The following NAV3 variants were observed in gnomAD, a reference collection of about 807,000 sequenced individuals.
The protein encoded by NAV3 is pore membrane and/or filament interacting like protein 1.
A neutral mutation model predicts 244.7 loss-of-function variants in NAV3; 87 were observed. The observed-to-expected ratio is 0.36, with a 90% CI of 0.30 to 0.42. NAV3 has a LOEUF of 0.42. NAV3 is among the 20% of genes least tolerant of loss of function. The pLI, the probability that NAV3 is intolerant of heterozygous loss-of-function variation, is 1.00. For missense variants in NAV3, 2,663 were observed against 2,893.3 expected, an observed-to-expected ratio of 0.92 and a Z score of 1.83; for synonymous variants, 1,126 against 1,042.2, an observed-to-expected ratio of 1.08 and a Z score of -1.55.
At chr12:77,977,959 CG>C (rs1565981159) in intron 5 of NAV3, among the ~76,000 whole-genome samples, 2 of 151,460 alleles carry the variant, frequency 1.3e-5, no homozygotes, top group African/African-American at 4.9e-5. Flanking sequence ...GCCTTTTTTA[CG>C]GGATTATCCA....
At chr12:77,823,565 G>A (rs1243577118) in intron 2 of NAV3, among the ~76,000 whole-genome samples, 1 of 152,184 alleles carries the variant, frequency 6.6e-6, no homozygotes, top group Non-Finnish European at 1.5e-5. Flanking sequence ...TACAAATGGT[G>A]CAAAATTAGC....
intron 3 of NAV3, among the ~76,000 whole-genome samples, chr12:77,945,362 G>T (rs1467411869): frequency 6.6e-6 from 1 of 152,114 alleles, no homozygotes; most frequent in Non-Finnish European, 1.5e-5. Flanking sequence ...GTCATAAAAG[G>T]TTATGATGGG....
chr12:78,184,925 C>G (rs980525673), intron 30 of NAV3, among the ~76,000 whole-genome samples: 1 of 151,508 alleles, frequency 6.6e-6, no homozygotes, highest in Non-Finnish European at 1.5e-5. Context: ...GAAAGTTAAT[C>G]TTTAATCACC....
intron 36 of NAV3, 105 bp downstream of exon 36, chr12:78,198,781 T>G: frequency 1.3e-6 from 1 of 799,280 alleles, no homozygotes. Context: ...TTGTGGTTTG[T>G]TTTTCCATTT....
chr12:77,940,194 A>G (rs1188848576), intron 1 of NAV3, 125 bp from the exon 2 acceptor site: 1 of 697,660 alleles, frequency 1.4e-6, no homozygotes, highest in African/African-American at 1.8e-5. Flanking sequence ...CTTTAGAGCT[A>G]TGACTTCTTA....
At chr12:78,136,973 C>T (rs1396671544) in intron 18 of NAV3, among the ~76,000 whole-genome samples, 1 of 152,066 alleles carries the variant, frequency 6.6e-6, no homozygotes, top group Non-Finnish European at 1.5e-5. Flanking sequence ...TGATGTAAGG[C>T]TTCCCATAAA....
chr12:78,195,724 C>T (rs1959167621), intron 34 of NAV3, among the ~76,000 whole-genome samples: 1 of 152,018 alleles, frequency 6.6e-6, no homozygotes, highest in Non-Finnish European at 1.5e-5. Flanking sequence ...ACTCAGGCTC[C>T]AGTGTTACCT....
chr12:78,145,088 C>A (rs959882094), intron 20 of NAV3: 4 of 307,710 alleles, frequency 1.3e-5, no homozygotes, highest in Non-Finnish European at 2.6e-5. Flanking sequence ...ACTTTTTATT[C>A]AAAAACCAAA....
At chr12:77,902,399 A>G (rs948204281) in intron 1 of NAV3, among the ~76,000 whole-genome samples, 12 of 152,308 alleles carry the variant, frequency 7.9e-5, no homozygotes, top group Non-Finnish European at 1.8e-4. Flanking sequence ...CATCCCATCA[A>G]TACCTAATTT....
chr12:77,655,349 G>A (rs1873043161), intron 2 of NAV3, among the ~76,000 whole-genome samples: 1 of 152,104 alleles, frequency 6.6e-6, no homozygotes. Flanking sequence ...TGGAAGAAAG[G>A]GTATCAGTGA....
intron 1 of NAV3, among the ~76,000 whole-genome samples, chr12:77,850,289 C>A (rs1360337974): frequency 6.6e-6 from 1 of 152,082 alleles, no homozygotes; most frequent in African/African-American, 2.4e-5. Context: ...TACTCTATTG[C>A]CAGGGTAGGT....
At chr12:78,019,654 G>A (rs540911240) in intron 8 of NAV3, among the ~76,000 whole-genome samples, 3 of 152,234 alleles carry the variant, frequency 2.0e-5, no homozygotes, top group South Asian at 4.1e-4. Flanking sequence ...AAATAATCAA[G>A]TGTAAAGACC....
intron 24 of NAV3, among the ~76,000 whole-genome samples, chr12:78,172,508 T>C (rs1231470031): frequency 6.6e-6 from 1 of 151,574 alleles, no homozygotes; most frequent in African/African-American, 2.4e-5. Flanking sequence ...GCTGAACATG[T>C]ATACCCAAAC....
intron 7 of NAV3, among the ~76,000 whole-genome samples, chr12:78,001,081 T>A (rs1873218186): frequency 1.3e-5 from 2 of 152,226 alleles, no homozygotes; most frequent in South Asian, 4.1e-4. Flanking sequence ...AGTTCTAGAA[T>A]AATGTTTATA....
intron 3 of NAV3, among the ~76,000 whole-genome samples, chr12:77,957,455 A>T (rs1891470297): frequency 6.6e-6 from 1 of 152,232 alleles, no homozygotes; most frequent in Non-Finnish European, 1.5e-5. Flanking sequence ...AGTGTAAAAA[A>T]ATGTGAATAG....
chr12:77,906,785 C>T (rs1463842416), intron 1 of NAV3, among the ~76,000 whole-genome samples: 2 of 152,072 alleles, frequency 1.3e-5, no homozygotes, highest in Non-Finnish European at 2.9e-5. Context: ...GAATGTCTGG[C>T]ACATAGTAAA....
At chr12:78,157,085 G>A (rs1435172321) in intron 22 of NAV3, among the ~76,000 whole-genome samples, 1 of 152,066 alleles carries the variant, frequency 6.6e-6, no homozygotes, top group Admixed American at 6.6e-5. Context: ...TTATCTTTGG[G>A]GAAGGAAGAG....
At chr12:77,782,539 T>C (rs1472433263) in intron 2 of NAV3, among the ~76,000 whole-genome samples, 1 of 150,958 alleles carries the variant, frequency 6.6e-6, no homozygotes, top group Non-Finnish European at 1.5e-5. Flanking sequence ...ATAGTCATGA[T>C]GCGACTTGTC....
intron 1 of NAV3, among the ~76,000 whole-genome samples, chr12:77,917,063 G>T (rs1887217078): frequency 1.3e-5 from 2 of 151,794 alleles, no homozygotes. Context: ...TAATGAAAAA[G>T]AAAACTAGCA....
Sources: gnomAD v4.1 joint callset for allele counts (sites outside exome capture counted in the v4.1 genomes callset) on GRCh38, gnomAD v4.1.1 for gene constraint, MANE v1.5 for transcripts, NCBI Gene and HGNC (gene_info 2026-07-23, HGNC 2026-07-21) for gene names.